SHKBP1: variants seen among roughly 807,000 people sequenced by gnomAD.
The protein encoded by SHKBP1 is SH3KBP1-binding protein 1.
Under a neutral mutation model 83.9 loss-of-function variants are expected in SHKBP1, and 71 were observed. The observed-to-expected ratio is 0.85, with a 90% CI of 0.70 to 1.03. SHKBP1 has a LOEUF of 1.03. Ranked by LOEUF, SHKBP1 falls within the 50% of genes least tolerant of loss-of-function variation. The pLI is 0.00. For missense variants in SHKBP1, 824 were observed against 982.4 expected (o/e 0.84, Z 2.16); for synonymous variants, 371 against 398.0 (o/e 0.93, Z 0.81).
Position 40,578,456 on chromosome 19 carries a change from T to G in SHKBP1, c.320-6T>G. 6.2e-7 allele frequency: 1 copy of G among 1,614,160 alleles called. No homozygotes were observed. The highest frequency in any genetic ancestry group is 8.5e-7 in the Non-Finnish European group (1 of 1,179,998). On this transcript the variant is annotated splice_polypyrimidine_tract_variant and splice_region_variant and intron_variant, in intron 5 of 17. Transcript: ENST00000291842. ...AAGTCCCAGCCTTTAAGTCCTCCTG[T>G]TGCAGTTCGTCGCCTGCAGCTTCGA...
Position 40,586,988 on chromosome 19 carries a change from G to A in SHKBP1, c.1336+44G>A, listed in dbSNP as rs756442448. On this transcript the variant is annotated intron_variant, in intron 13 of 17. Transcript: ENST00000291842. Reference sequence around the variant, plus strand: ...CTCCAGTGCTGGGAGAGACAGCTCAGATGGGAGTGTGGAGACAGGAGGATG... The same window carrying A: ...CTCCAGTGCTGGGAGAGACAGCTCAAATGGGAGTGTGGAGACAGGAGGATG... 7.9e-6 allele frequency: 12 copies of A among 1,527,254 alleles called. No homozygotes were observed. In the South Asian group the frequency reaches 1.4e-4, roughly 18 times the overall value. The allele number at this position is 1,527,254 out of a possible 1,614,324, so 94.6% of individuals were successfully genotyped here.
chr19:40,582,341 C>T lies in SHKBP1; in HGVS notation c.845-10C>T, dbSNP rs1159030142. Reference sequence around the variant, plus strand: ...CAGGGTTCCAGCTGAGCCCTTTTTGCCCACTGCAGGGGTCTTTCATCTGGG... The same window carrying T: ...CAGGGTTCCAGCTGAGCCCTTTTTGTCCACTGCAGGGGTCTTTCATCTGGG... On this transcript the variant is annotated splice_polypyrimidine_tract_variant and intron_variant, in intron 9 of 17. Transcript: ENST00000291842. The T allele has an allele frequency of 3.7e-6, 6 of 1,610,892 alleles. No homozygotes were observed. Among genetic ancestry groups the T allele is most frequent in the Non-Finnish European group, 4.2e-6 (5 of 1,177,926 alleles).
At chr19:40,580,044 A>C (rs184521981) in intron 6 of SHKBP1, 93 of 273,080 alleles carry the variant, frequency 3.4e-4, no homozygotes, top group African/African-American at 1.9e-3. Context: ...AAAAAAAAAA[A>C]AAAAAAAAAA....
chr19:40,578,614 C>T, intron 6 of SHKBP1, 72 bp downstream of exon 6: 2 of 1,390,496 alleles, frequency 1.4e-6, no homozygotes, highest in South Asian at 2.3e-5. Context: ...GGCTGCAGCT[C>T]TCGGGTGCCT....
intron 12 of SHKBP1, among the ~76,000 whole-genome samples, chr19:40,586,238 C>T (rs188353143): frequency 6.6e-6 from 1 of 152,278 alleles, no homozygotes; most frequent in East Asian, 1.9e-4. Context: ...CTCTGGGCCT[C>T]TCCTCCTTTG....
chr19:40,578,600 A>C (rs2081242151), intron 6 of SHKBP1, 58 bp downstream of exon 6: 1 of 1,500,940 alleles, frequency 6.7e-7, no homozygotes, highest in Admixed American at 1.7e-5. Context: ...TACATTTCCC[A>C]TAAGGCTGCA....
chr19:40,587,055 C>G, intron 13 of SHKBP1, 111 bp downstream of exon 13: 1 of 1,041,262 alleles, frequency 9.6e-7, no homozygotes, highest in Non-Finnish European at 1.4e-6. Context: ...GAAGAGAGCT[C>G]TGGCGGAGAG....
Position 40,588,621 on chromosome 19 carries a change from C to T in SHKBP1, c.1337-3C>T, listed in dbSNP as rs202133730. The T allele has an allele frequency of 2.1e-5, 34 of 1,614,216 alleles. No homozygotes were observed. The East Asian group carries it at 4.0e-4, about 19-fold the overall frequency. On this transcript the variant is annotated splice_region_variant and splice_polypyrimidine_tract_variant and intron_variant, in intron 13 of 17. Transcript: ENST00000291842. Reference sequence around the variant, plus strand: ...GACTTCCTGCTCTCCTTGTGCCCCTCAGTCTGTGCCGACAACAACCACGTG... The same window carrying T: ...GACTTCCTGCTCTCCTTGTGCCCCTTAGTCTGTGCCGACAACAACCACGTG...
At chr19:40,586,427 C>T (rs781190199) in intron 12 of SHKBP1, among the ~76,000 whole-genome samples, 2 of 150,300 alleles carry the variant, frequency 1.3e-5, no homozygotes, top group African/African-American at 4.9e-5. Flanking sequence ...AGTGCAGTGG[C>T]GTGGTCTTGG....
chr19:40,578,066 C>G, intron 4 of SHKBP1, 88 bp from the exon 5 acceptor site: 1 of 1,070,930 alleles, frequency 9.3e-7, no homozygotes, highest in Non-Finnish European at 1.4e-6. Context: ...CCTTGACATT[C>G]TCTGTGCAGT....
intron 1 of SHKBP1, 26 bp from the exon 2 acceptor site, chr19:40,577,205 T>G: frequency 6.2e-7 from 1 of 1,612,572 alleles, no homozygotes; most frequent in South Asian, 1.1e-5. Context: ...CTTCATCTCT[T>G]GCGTCCGTTT....
rs1285224413 is a variant in SHKBP1, at chr19:40,590,516, C to G, written c.1768+94C>G. 9.7e-6 allele frequency: 14 copies of G among 1,439,138 alleles called. No individual in the cohort carries two copies. Among genetic ancestry groups the G allele is most frequent in the Middle Eastern group, 5.0e-4 (2 of 3,992 alleles). The allele number at this position is 1,439,138 out of a possible 1,614,324, so 89.1% of individuals were successfully genotyped here. On this transcript the variant is annotated intron_variant, in intron 16 of 17. Coordinates refer to ENST00000291842, the MANE Select transcript of SHKBP1 (RefSeq NM_138392.4). The surrounding 1 kb of genome is among the most constrained non-coding windows in gnomAD (Gnocchi z 4.6). ...AACTGCTTGATCTCTCTCCCAGGCC[C>G]TTGCCCTCTGACCCCTTTTCCTTTG...
At chr19:40,587,655 C>T (rs1442530065) in intron 13 of SHKBP1, among the ~76,000 whole-genome samples, 1 of 152,110 alleles carries the variant, frequency 6.6e-6, no homozygotes, top group East Asian at 1.9e-4. Flanking sequence ...AATCCCAGCA[C>T]TTTGGGAGGC....
At position 40,582,467 on chromosome 19, in the gene SHKBP1, G is replaced by C; in HGVS notation, c.960+1G>C. ...GAATGCCGTCACCAAGCACTGGCAG[G>C]TCAGAGTTCTGGCCAGCCTGGCTGC... On this transcript the variant is annotated splice_donor_variant, in intron 10 of 17. Coordinates refer to ENST00000291842, the MANE Select transcript of SHKBP1 (RefSeq NM_138392.4). LOFTEE classifies it high-confidence loss of function. 1 of 1,613,708 alleles carries C rather than the reference G, an allele frequency of 6.2e-7. No individual in the cohort carries two copies. Among genetic ancestry groups the C allele is most frequent in the Non-Finnish European group, 8.5e-7 (1 of 1,179,748 alleles).
chr19:40,587,951 G>A (rs2081325282), intron 13 of SHKBP1, among the ~76,000 whole-genome samples: 1 of 152,154 alleles, frequency 6.6e-6, no homozygotes, highest in Non-Finnish European at 1.5e-5. Context: ...CAATGATAAG[G>A]GCTATGAATA....
At chr19:40,583,774 T>C (rs1374818904) in intron 12 of SHKBP1, 57 bp downstream of exon 12, 13 of 1,355,188 alleles carry the variant, frequency 9.6e-6, no homozygotes, top group Non-Finnish European at 1.3e-5. Flanking sequence ...AGCCCCAGCC[T>C]GCAGCTGTCC....
At position 40,580,989 on chromosome 19, in the gene SHKBP1, G is replaced by A. The variant is rs2081265559; in HGVS notation, c.844+53G>A. The A allele has an allele frequency of 2.0e-6, 3 of 1,467,940 alleles. No homozygotes were observed. In the South Asian group the frequency reaches 4.2e-5, roughly 21 times the overall value. 90.9% of individuals were successfully genotyped at this position (1,467,940 alleles called of 1,614,324 possible). ...CTCTGTCCTTTAAATTCTACTGCCT[G>A]TTAAAATGACCCACCCCATAAAATC... On this transcript the variant is annotated intron_variant, in intron 9 of 17. Coordinates refer to ENST00000291842, the MANE Select transcript of SHKBP1 (RefSeq NM_138392.4).
Position 40,588,749 on chromosome 19 carries a change from C to T in SHKBP1, c.1462C>T (p.His488Tyr), listed in dbSNP as rs1348125721. ...KILALESADG[H>Y]GGCSAGNDIG... ...CCTGGCTCTGGAGTCGGCAGATGGG[C>T]ATGGCGGCTGCAGTGCTGGCAATGA... Residue 488 changes from histidine to tyrosine, a missense_variant, in exon 14 of 18, where the codon CAT (histidine) becomes TAT (tyrosine). This residue lies in a region of SHKBP1 where 287 missense variants were observed against 322.9 expected (regional missense o/e 0.89). Transcript: ENST00000291842. 1 of 1,613,852 alleles carries T rather than the reference C, an allele frequency of 6.2e-7. No homozygotes were observed. Among genetic ancestry groups the T allele is most frequent in the Non-Finnish European group, 8.5e-7 (1 of 1,180,020 alleles).
intron 1 of SHKBP1, 113 bp downstream of exon 1, chr19:40,577,098 C>CCCCG: frequency 1.6e-6 from 2 of 1,231,846 alleles, no homozygotes; most frequent in Non-Finnish European, 2.3e-6. Context: ...CCCCCCCCCC[C>CCCCG]TTTGGAGGCG....
Sources: allele counts gnomAD v4.1 joint callset (sites outside exome capture counted in the v4.1 genomes callset), GRCh38; gene constraint gnomAD v4.1.1; regional missense constraint gnomAD v4.1.1; non-coding constraint Gnocchi (gnomAD v3.1); transcripts MANE v1.5; gene names NCBI Gene and HGNC (gene_info 2026-07-23, HGNC 2026-07-21).